SLC22A15: variants seen among roughly 807,000 people sequenced by gnomAD.
The protein encoded by SLC22A15 is flipt 1.
In SLC22A15, 45 loss-of-function variants were observed where a neutral mutation model predicts 62.7. The ratio of observed to expected loss-of-function variants is 0.72; its 90% CI spans 0.56 to 0.92. The LOEUF is 0.92. Ranked by LOEUF, SLC22A15 falls within the 40% of genes least tolerant of loss-of-function variation. SLC22A15 has a pLI of 0.00. For synonymous variants in SLC22A15, 264 were observed against 267.0 expected (o/e 0.99, Z 0.11); for missense variants, 622 against 665.6 (o/e 0.93, Z 0.72).
At chr1:116,046,800 A>G (rs1205665820) in intron 8 of SLC22A15, among the ~76,000 whole-genome samples, 1 of 152,180 alleles carries the variant, frequency 6.6e-6, no homozygotes, top group African/African-American at 2.4e-5. Flanking sequence ...CTGCAGGAGA[A>G]GTTTCCCACC....
intron 1 of SLC22A15, among the ~76,000 whole-genome samples, chr1:115,980,287 C>A (rs1375344333): frequency 2.0e-5 from 3 of 152,064 alleles, no homozygotes; most frequent in Non-Finnish European, 4.4e-5. Context: ...ATTTAGAGAA[C>A]AATTTGGCAC....
In SLC22A15 at chr1:116,064,490, T is replaced by C. The variant is rs1349286196; in HGVS notation, c.1347T>C (p.Ala449=). The change falls in exon 10 of 12, where the codon GCT becomes GCC. Residue 449 remains alanine, a synonymous_variant. Coordinates refer to ENST00000369503, the MANE Select transcript of SLC22A15 (RefSeq NM_018420.3). ...SMFSRVGGII[A]PFIPSLKYVQ... ...TCTCCCGAGTTGGTGGGATTATTGC[T>C]CCCTTCATCCCCTCACTGGTTGGTT... 1.2e-6 allele frequency: 2 copies of C among 1,612,794 alleles called. No homozygotes were observed. Among genetic ancestry groups the C allele is most frequent in the Non-Finnish European group, 1.7e-6 (2 of 1,178,856 alleles).
intron 2 of SLC22A15, among the ~76,000 whole-genome samples, chr1:115,992,573 C>T (rs1655204243): frequency 6.6e-6 from 1 of 151,540 alleles, no homozygotes; most frequent in African/African-American, 2.4e-5. Flanking sequence ...AAAATTAACA[C>T]AGGGAAATGT....
intron 2 of SLC22A15, among the ~76,000 whole-genome samples, chr1:116,010,824 A>G (rs1376877749): frequency 6.6e-6 from 1 of 152,130 alleles, no homozygotes; most frequent in East Asian, 1.9e-4. Context: ...TGAAATACTG[A>G]CAAGCTAGGA....
chr1:116,060,305 G>A (rs1003059410), intron 8 of SLC22A15, among the ~76,000 whole-genome samples: 3 of 152,234 alleles, frequency 2.0e-5, no homozygotes, highest in Admixed American at 6.5e-5. Context: ...GCACATACGA[G>A]AGAAGTTTTA....
rs1657120871 is a variant in SLC22A15, at chr1:116,026,908, T to C, written c.614T>C (p.Leu205Pro). The change falls in exon 5 of 12, where the codon CTG becomes CCG. Residue 205 changes from leucine to proline, a missense_variant. By Grantham distance (98) the Leu-to-Pro change is moderately conservative (BLOSUM62 -3). Coordinates refer to ENST00000369503, the MANE Select transcript of SLC22A15 (RefSeq NM_018420.3). ...YWALAGSIGG[L>P]FFAVGIAQYA... Reference sequence around the variant, plus strand: ...CCTGAATTAGGATCGATTGGCGGCCTGTTCTTTGCAGTTGGCATTGCCCAA... The same window carrying C: ...CCTGAATTAGGATCGATTGGCGGCCCGTTCTTTGCAGTTGGCATTGCCCAA... 6.2e-7 allele frequency: 1 copy of C among 1,613,414 alleles called. No homozygotes were observed. The highest frequency in any genetic ancestry group is 1.7e-5 in the Admixed American group (1 of 60,024).
intron 8 of SLC22A15, among the ~76,000 whole-genome samples, chr1:116,057,671 C>T (rs907831194): frequency 5.3e-5 from 8 of 152,022 alleles, no homozygotes; most frequent in Non-Finnish European, 7.4e-5. Flanking sequence ...TATCCAACAA[C>T]GATAGAGTGG....
At chr1:116,005,309 G>C (rs1176399612) in intron 2 of SLC22A15, among the ~76,000 whole-genome samples, 1 of 151,982 alleles carries the variant, frequency 6.6e-6, no homozygotes, top group Non-Finnish European at 1.5e-5. Flanking sequence ...GGCATAACAA[G>C]ATATTCCAAG....
chr1:115,979,598 A>G (rs539040233), intron 1 of SLC22A15, among the ~76,000 whole-genome samples: 1 of 152,282 alleles, frequency 6.6e-6, no homozygotes, highest in African/African-American at 2.4e-5. Context: ...AATAGGAATA[A>G]TTCTATTTAG....
intron 1 of SLC22A15, among the ~76,000 whole-genome samples, chr1:115,982,501 T>C (rs532611432): frequency 6.6e-6 from 1 of 152,350 alleles, no homozygotes; most frequent in East Asian, 1.9e-4. Flanking sequence ...AACAACTACA[T>C]ATTTTTTAGT....
At chr1:115,981,669 G>A (rs1654616265) in intron 1 of SLC22A15, among the ~76,000 whole-genome samples, 2 of 152,210 alleles carry the variant, frequency 1.3e-5, no homozygotes, top group South Asian at 4.1e-4. Flanking sequence ...GAGGCCTCCA[G>A]AAGGGTTAAG....
At chr1:116,060,022 C>T (rs1453562041) in intron 8 of SLC22A15, among the ~76,000 whole-genome samples, 2 of 152,136 alleles carry the variant, frequency 1.3e-5, no homozygotes, top group Admixed American at 6.6e-5. Context: ...TTTTAAATCG[C>T]TCTTTTTTCT....
intron 6 of SLC22A15, among the ~76,000 whole-genome samples, chr1:116,033,423 C>G (rs1371433127): frequency 6.6e-6 from 1 of 152,118 alleles, no homozygotes; most frequent in Non-Finnish European, 1.5e-5. Flanking sequence ...GGACAATGGG[C>G]CTTCCATGCT....
In SLC22A15 at chr1:116,022,653, G is replaced by A. The variant is rs1445730593; in HGVS notation, c.598+1768G>A. On this transcript the variant is annotated intron_variant, in intron 4 of 11. Coordinates refer to ENST00000369503, the MANE Select transcript of SLC22A15 (RefSeq NM_018420.3). Reference sequence around the variant, plus strand: ...ACCCTGGTCTCTTGCTCTCTTGCTAGTTGCCTAAAGCCAGTGAAAAGAGTC... The same window carrying A: ...ACCCTGGTCTCTTGCTCTCTTGCTAATTGCCTAAAGCCAGTGAAAAGAGTC... 2.0e-5 allele frequency among the ~76,000 whole-genome samples: 3 copies of A among 152,184 alleles called. No homozygotes were observed. In the South Asian group the frequency reaches 6.2e-4, roughly 31 times the overall value.
rs1658537254 is a variant in SLC22A15, at chr1:116,068,006, G to A, written c.*898G>A. 1 of 152,688 alleles carries A rather than the reference G, an allele frequency of 6.5e-6. No individual in the cohort carries two copies. The highest frequency in any genetic ancestry group is 3.4e-3 in the Middle Eastern group (1 of 294). The allele number at this position is 152,688 out of a possible 1,614,324, so 9.5% of individuals were successfully genotyped here. A position where few individuals can be genotyped will look rare whatever the true frequency, so the allele number is the denominator to read the frequency against. ...AAAAAAGGTGCAGTTTTTAATAAGA[G>A]AGAAAATGAAATTATCTTTGATAAA... On this transcript the variant is annotated 3_prime_UTR_variant, in exon 12 of 12. Coordinates refer to ENST00000369503, the MANE Select transcript of SLC22A15 (RefSeq NM_018420.3).
At chr1:116,061,568 T>C (rs1398839571) in intron 8 of SLC22A15, among the ~76,000 whole-genome samples, 2 of 151,954 alleles carry the variant, frequency 1.3e-5, no homozygotes, top group African/African-American at 4.8e-5. Context: ...GGACGTTTGA[T>C]AGGGAATGGC....
At chr1:116,022,753 A>G (rs955927543) in intron 4 of SLC22A15, among the ~76,000 whole-genome samples, 2 of 152,226 alleles carry the variant, frequency 1.3e-5, no homozygotes, top group Non-Finnish European at 2.9e-5. Flanking sequence ...TTTCTGTAGC[A>G]AAGTGAAAAG....
chr1:116,022,164 G>A (rs1656868452), intron 4 of SLC22A15, among the ~76,000 whole-genome samples: 2 of 152,184 alleles, frequency 1.3e-5, no homozygotes, highest in African/African-American at 4.8e-5. Flanking sequence ...CAGGCTTCCT[G>A]CTGGTCTCAA....
chr1:115,990,509 A>C (rs2101086051), intron 1 of SLC22A15, among the ~76,000 whole-genome samples: 1 of 152,292 alleles, frequency 6.6e-6, no homozygotes, highest in Non-Finnish European at 1.5e-5. Context: ...ATAATTAGTA[A>C]GGTTTTTATT....
Sources: gnomAD v4.1 joint callset for allele counts (sites outside exome capture counted in the v4.1 genomes callset) on GRCh38, gnomAD v4.1.1 for gene constraint, MANE v1.5 for transcripts, NCBI Gene and HGNC (gene_info 2026-07-23, HGNC 2026-07-21) for gene names.